The following PCNX2 variants were observed in gnomAD, a reference collection of about 807,000 sequenced individuals.
PCNX2 encodes the protein pecanex-like protein 2.
In PCNX2, 168 loss-of-function variants were observed where a neutral mutation model predicts 223.8. The ratio of observed to expected loss-of-function variants is 0.75; its 90% confidence interval spans 0.66 to 0.85. The LOEUF is 0.85. Among genes scored for constraint, PCNX2 ranks in the 40% least tolerant of loss-of-function variants. The pLI is 0.00. For missense variants in PCNX2, 2,507 were observed against 2,675.5 expected (o/e 0.94, Z 1.39); for synonymous variants, 1,006 against 1,052.6 (o/e 0.96, Z 0.86).
intron 1 of PCNX2, among the ~76,000 whole-genome samples, chr1:233,294,605 C>G (rs1661958320): frequency 6.6e-6 from 1 of 152,266 alleles, no homozygotes; most frequent in African/African-American, 2.4e-5. Flanking sequence ...ACATGGAACA[C>G]CTTACCTGTA....
chr1:233,134,847 G>T, intron 21 of PCNX2, 166 bp downstream of exon 21: 1 of 617,846 alleles, frequency 1.6e-6, no homozygotes. Context: ...ACATTCCATG[G>T]GCAGTTTTCC....
At chr1:233,038,584 T>C (rs539745196) in intron 25 of PCNX2, among the ~76,000 whole-genome samples, 1 of 152,344 alleles carries the variant, frequency 6.6e-6, no homozygotes, top group South Asian at 2.1e-4. Flanking sequence ...TCAGGGATTC[T>C]GAATGGAGAA....
chr1:233,071,465 C>T (rs1287530044), intron 23 of PCNX2, among the ~76,000 whole-genome samples: 1 of 152,164 alleles, frequency 6.6e-6, no homozygotes, highest in Non-Finnish European at 1.5e-5. Context: ...CCAGCTCCAT[C>T]CATGTTTCTG....
chr1:233,023,031 G>A (rs1274907549), intron 26 of PCNX2, among the ~76,000 whole-genome samples: 1 of 152,142 alleles, frequency 6.6e-6, no homozygotes, highest in African/African-American at 2.4e-5. Context: ...ACAGGAAGAT[G>A]TCAACTCCAG....
At chr1:233,238,961 TAGTTA>T (rs1416618795) in intron 8 of PCNX2, among the ~76,000 whole-genome samples, 1 of 152,182 alleles carries the variant, frequency 6.6e-6, no homozygotes, top group Non-Finnish European at 1.5e-5. Context: ...AGAAAAAGAT[TAGTTA>T]GATTTATAAA....
At chr1:233,057,371 G>A (rs1310817060) in intron 23 of PCNX2, 81 bp from the exon 24 acceptor site, 1 of 1,112,684 alleles carries the variant, frequency 9.0e-7, no homozygotes, top group East Asian at 2.5e-5. Flanking sequence ...CCAGCTGCAT[G>A]AGTGGAAAAT....
At chr1:233,020,780 G>C (rs1160438298) in intron 26 of PCNX2, among the ~76,000 whole-genome samples, 2 of 152,202 alleles carry the variant, frequency 1.3e-5, no homozygotes, top group Non-Finnish European at 2.9e-5. Flanking sequence ...GAGGAGACAC[G>C]AGGGAAAACC....
intron 23 of PCNX2, among the ~76,000 whole-genome samples, chr1:233,085,297 A>C (rs1572087491): frequency 1.3e-5 from 2 of 150,540 alleles, no homozygotes; most frequent in African/African-American, 2.4e-5. Flanking sequence ...GTGCCACTGC[A>C]CTCCAGCCTG....
chr1:233,291,239 T>C, intron 1 of PCNX2: 3 of 317,032 alleles, frequency 9.5e-6, no homozygotes, highest in Non-Finnish European at 1.4e-5. Flanking sequence ...AAAATGAAAG[T>C]GTTATCCCCA....
chr1:233,028,708 T>C (rs1671165717), intron 25 of PCNX2, among the ~76,000 whole-genome samples: 1 of 152,188 alleles, frequency 6.6e-6, no homozygotes, highest in Admixed American at 6.5e-5. Context: ...AGTCTGATGA[T>C]CTCCAATTTT....
chr1:233,016,922 T>C lies in PCNX2; in HGVS notation c.4838A>G (p.Glu1613Gly). The change falls in exon 27 of 34, where the codon GAG becomes GGG. Residue 1613 changes from glutamate (E) to glycine (G), a missense_variant and splice_region_variant. Coordinates refer to ENST00000258229, the MANE Select transcript of PCNX2 (RefSeq NM_014801.4). ...TCAGCCCCCACCTCCCTGACCTACC[T>C]CTTGTCTTTTCCGTGCACAGTGTTG... ...WIQHCARKRQ[E>G]PSTTLDSDED... 6 of 1,596,988 alleles carry C rather than the reference T, an allele frequency of 3.8e-6. No individual in the cohort carries two copies. The highest frequency in any genetic ancestry group is 5.1e-6 in the Non-Finnish European group (6 of 1,165,296).
chr1:233,090,797 T>C (rs1375571553), intron 22 of PCNX2, among the ~76,000 whole-genome samples: 1 of 152,224 alleles, frequency 6.6e-6, no homozygotes, highest in African/African-American at 2.4e-5. Context: ...GTGGGCCAAG[T>C]TGCTTCTTTA....
At chr1:233,300,422 C>T (rs958996485), upstream of PCNX2, among the ~76,000 whole-genome samples, 7 of 152,190 alleles carry the variant, frequency 4.6e-5, no homozygotes, top group Non-Finnish European at 5.9e-5. Context: ...AGTACTGCTT[C>T]GTGTTCAGAG....
the PCNX2 span, among the ~76,000 whole-genome samples, chr1:233,316,203 A>G: frequency 6.6e-6 from 1 of 152,208 alleles, no homozygotes; most frequent in Non-Finnish European, 1.5e-5. Context: ...AAAGTTACAA[A>G]AATTCTAAAA....
At chr1:233,216,871 T>C (rs1186981545) in intron 12 of PCNX2, among the ~76,000 whole-genome samples, 2 of 152,106 alleles carry the variant, frequency 1.3e-5, no homozygotes, top group Non-Finnish European at 2.9e-5. Flanking sequence ...AGGAATATCA[T>C]TCAGCCTAAA....
intron 26 of PCNX2, among the ~76,000 whole-genome samples, chr1:233,023,473 T>G (rs1670971010): frequency 6.6e-6 from 1 of 152,192 alleles, no homozygotes. Context: ...CCTCTATCCC[T>G]TTAAGCCTGT....
At position 233,139,418 on chromosome 1, in the gene PCNX2, G is replaced by GCTTC. The variant is rs917396702; in HGVS notation, c.3659+292_3659+295dup. On this transcript the variant is annotated intron_variant, in intron 20 of 33. Coordinates refer to ENST00000258229, the MANE Select transcript of PCNX2 (RefSeq NM_014801.4). The surrounding 1 kb of genome is among the most constrained non-coding windows in gnomAD (Gnocchi z 4.4). Reference sequence around the variant, plus strand: ...TCCAGGAATCCTGGACTCACACTGTGCTTCCGTCTTCTTATTAAGGCTCAC... The same window carrying GCTTC: ...TCCAGGAATCCTGGACTCACACTGTGCTTCCTTCCGTCTTCTTATTAAGGCTCAC... 1.2e-4 allele frequency among the ~76,000 whole-genome samples: 18 copies of GCTTC among 152,186 alleles called. No homozygotes were observed. Among genetic ancestry groups the GCTTC allele is most frequent in the Admixed American group, 1.1e-3 (17 of 15,274 alleles).
chr1:233,113,434 G>A (rs1221854180), intron 21 of PCNX2, among the ~76,000 whole-genome samples: 1 of 152,134 alleles, frequency 6.6e-6, no homozygotes, highest in Non-Finnish European at 1.5e-5. Flanking sequence ...ACCACTATGA[G>A]TCAGCATCTC....
At chr1:233,209,925 T>C (rs1469796284) in intron 12 of PCNX2, among the ~76,000 whole-genome samples, 1 of 152,218 alleles carries the variant, frequency 6.6e-6, no homozygotes, top group African/African-American at 2.4e-5. Flanking sequence ...AGTATACAAA[T>C]ACACATGTAT....
Sources: allele counts gnomAD v4.1 joint callset (sites outside exome capture counted in the v4.1 genomes callset), GRCh38; gene constraint gnomAD v4.1.1; non-coding constraint Gnocchi (gnomAD v3.1); transcripts MANE v1.5; gene names NCBI Gene and HGNC (gene_info 2026-07-23, HGNC 2026-07-21).